The following MORC3 variants were observed in gnomAD, a reference collection of about 807,000 sequenced individuals.
The protein encoded by MORC3 is MORC family CW-type zinc finger 3.
A neutral mutation model predicts 109.1 loss-of-function variants in MORC3; 31 were observed. The observed-to-expected ratio is 0.28, with a 90% CI of 0.21 to 0.38. The LOEUF is 0.38. Ranked by LOEUF, MORC3 falls within the 10% of genes least tolerant of loss-of-function variation. The pLI, the probability that MORC3 is intolerant of heterozygous loss-of-function variation, is 1.00. For synonymous variants in MORC3, 395 were observed against 380.7 expected (o/e 1.04, Z -0.44); for missense variants, 867 against 1,135.8 (o/e 0.76, Z 3.40).
chr21:36,364,187 G>C lies in MORC3; in HGVS notation c.1547G>C (p.Gly516Ala), dbSNP rs1569107139. ...ESVPRRHLSE[G>A]TNSYATRLLN... ...GTTCCAAGAAGACATCTTTCAGAAG[G>C]AACAAATTCTTATGCGACAAGACTT... The change falls in exon 14 of 17, where the codon GGA (glycine) becomes GCA (alanine). Residue 516 changes from glycine (G) to alanine (A), a missense_variant. Physicochemically the swap from Gly to Ala is moderately conservative, Grantham distance 60. Transcript: ENST00000400485. The C allele has an allele frequency of 6.2e-7, 1 of 1,614,100 alleles. No individual in the cohort carries two copies. Among genetic ancestry groups the C allele is most frequent in the South Asian group, 1.1e-5 (1 of 91,074 alleles).
Position 36,366,747 on chromosome 21 carries a change from G to T in MORC3, c.1620-2241G>T, listed in dbSNP as rs117620268. ...TGGGATTACAGGCGTGAGCCACTTT[G>T]CCCGGCCTATTAAACAGTTTTTAAA... On this transcript the variant is annotated intron_variant, in intron 14 of 16. Coordinates refer to ENST00000400485, the MANE Select transcript of MORC3 (RefSeq NM_015358.3). 8.3e-3 allele frequency among the ~76,000 whole-genome samples: 1,262 copies of T among 152,256 alleles called. 77 individuals carry two copies. In the East Asian group the frequency reaches 0.16, roughly 20 times the overall value.
intron 6 of MORC3, among the ~76,000 whole-genome samples, chr21:36,342,559 C>T (rs1316945299): frequency 6.6e-6 from 1 of 152,002 alleles, no homozygotes; most frequent in Non-Finnish European, 1.5e-5. Context: ...TGTGCCACCA[C>T]ACCCGGCTAT....
intron 13 of MORC3, 87 bp from the exon 14 acceptor site, chr21:36,364,006 A>AGG: frequency 7.2e-7 from 1 of 1,380,098 alleles, no homozygotes; most frequent in Non-Finnish European, 9.9e-7. Context: ...TTCTGGGATA[A>AGG]GGGGGAAGAG....
intron 12 of MORC3, chr21:36,360,731 T>G: frequency 5.7e-6 from 1 of 175,854 alleles, no homozygotes; most frequent in Admixed American, 5.6e-5. Context: ...GTAATAGGCC[T>G]TGAAGGATGG....
At chr21:36,329,705 G>A (rs1312568451) in intron 1 of MORC3, among the ~76,000 whole-genome samples, 2 of 152,044 alleles carry the variant, frequency 1.3e-5, no homozygotes, top group East Asian at 3.8e-4. Flanking sequence ...ATACTGCTCT[G>A]GCGTAACATC....
At chr21:36,341,045 G>T (rs1404532308) in intron 5 of MORC3, among the ~76,000 whole-genome samples, 1 of 152,158 alleles carries the variant, frequency 6.6e-6, no homozygotes, top group Admixed American at 6.6e-5. Context: ...TACAAATAAA[G>T]CTGTAAACAT....
intron 12 of MORC3, 193 bp from the exon 13 acceptor site, chr21:36,361,990 G>A (rs912876384): frequency 5.7e-5 from 37 of 651,118 alleles, no homozygotes; most frequent in Non-Finnish European, 9.3e-5. Flanking sequence ...TACCGGTGAG[G>A]ATGGAAAAAT....
chr21:36,320,429 C>T (rs902140666), intron 1 of MORC3, 126 bp downstream of exon 1: 14 of 955,072 alleles, frequency 1.5e-5, no homozygotes, highest in South Asian at 4.5e-5. Flanking sequence ...CGGCGGGGCC[C>T]GGGGAGGGGG....
intron 13 of MORC3, 80 bp downstream of exon 13, chr21:36,362,308 CGAGGCA>C: frequency 6.9e-7 from 1 of 1,454,948 alleles, no homozygotes. Context: ...TTTGGGAGGC[CGAGGCA>C]GGTGGATCAC....
chr21:36,322,769 C>G (rs773137423), intron 1 of MORC3, among the ~76,000 whole-genome samples: 1 of 152,112 alleles, frequency 6.6e-6, no homozygotes, highest in African/African-American at 2.4e-5. Context: ...CTTTTTACCC[C>G]TGTAATTCTA....
chr21:36,333,436 G>A (rs2085337487), intron 1 of MORC3: 1 of 573,628 alleles, frequency 1.7e-6, no homozygotes, highest in Non-Finnish European at 3.1e-6. Flanking sequence ...TTTGAACCAA[G>A]TCTTGGTGAG....
chr21:36,362,585 C>T (rs1431635252), intron 13 of MORC3, among the ~76,000 whole-genome samples: 1 of 151,918 alleles, frequency 6.6e-6, no homozygotes. Flanking sequence ...CTGTGTTGAC[C>T]AGGCTGGTCT....
chr21:36,361,968 A>G lies in MORC3; in HGVS notation c.1407-215A>G. The G allele has an allele frequency of 6.6e-6, 4 of 602,940 alleles. 1 individual carries two copies. In the South Asian group the frequency reaches 8.1e-5, roughly 12 times the overall value. The allele number at this position is 602,940 out of a possible 1,614,324, so 37.3% of individuals were successfully genotyped here. ...CTTAGTGGAGAAAAAAACACCAAAGATCTGCAGTTTATACCGGTGAGGATG... is the reference window on the plus strand; with the variant it reads ...CTTAGTGGAGAAAAAAACACCAAAGGTCTGCAGTTTATACCGGTGAGGATG... On this transcript the variant is annotated intron_variant, in intron 12 of 16. Transcript: ENST00000400485.
intron 9 of MORC3, among the ~76,000 whole-genome samples, chr21:36,354,583 G>A (rs928396023): frequency 9.2e-5 from 14 of 152,124 alleles, no homozygotes; most frequent in Admixed American, 4.6e-4. Flanking sequence ...GATTACAGGC[G>A]TGAGCCACCG....
At chr21:36,334,742 G>A (rs1451651073) in intron 2 of MORC3, among the ~76,000 whole-genome samples, 1 of 152,184 alleles carries the variant, frequency 6.6e-6, no homozygotes, top group Non-Finnish European at 1.5e-5. Flanking sequence ...TAAGGTTTAG[G>A]ATTGTATTTT....
At chr21:36,370,990 A>G (rs576254818) in intron 15 of MORC3, among the ~76,000 whole-genome samples, 77 of 152,140 alleles carry the variant, frequency 5.1e-4, no homozygotes, top group African/African-American at 1.8e-3. Context: ...TGTTCTGACT[A>G]TCAGAACTGA....
intron 16 of MORC3, among the ~76,000 whole-genome samples, chr21:36,374,367 AG>A (rs1314392841): frequency 6.6e-6 from 1 of 152,150 alleles, no homozygotes; most frequent in Non-Finnish European, 1.5e-5. Context: ...CTGGGATTAC[AG>A]GCGTGAACCT....
In MORC3 at chr21:36,337,966, A is replaced by G. The variant is rs1569092966; in HGVS notation, c.460+20A>G. 5 of 1,606,394 alleles carry G rather than the reference A, an allele frequency of 3.1e-6. No homozygotes were observed. Among genetic ancestry groups the G allele is most frequent in the Middle Eastern group, 1.7e-4 (1 of 6,030 alleles). ...AGCACCATATCCTTTTGGTTGTGAA[A>G]TAAAAGCTGTGGAGAAACTGAAGAA... On this transcript the variant is annotated intron_variant, in intron 4 of 16. Coordinates refer to ENST00000400485, the MANE Select transcript of MORC3 (RefSeq NM_015358.3).
intron 1 of MORC3, among the ~76,000 whole-genome samples, chr21:36,329,998 G>T (rs1301034114): frequency 6.6e-6 from 1 of 152,098 alleles, no homozygotes; most frequent in East Asian, 1.9e-4. Flanking sequence ...AAGTAGGTGA[G>T]ATTACAGGCA....
Sources: gnomAD v4.1 joint callset for allele counts (sites outside exome capture counted in the v4.1 genomes callset) on GRCh38, gnomAD v4.1.1 for gene constraint, MANE v1.5 for transcripts, NCBI Gene and HGNC (gene_info 2026-07-23, HGNC 2026-07-21) for gene names.